The following MSRB3 variants were observed in gnomAD, a reference collection of about 807,000 sequenced individuals.
The protein encoded by MSRB3 is methionine-R-sulfoxide reductase B3.
A neutral mutation model predicts 21.0 loss-of-function variants in MSRB3; 13 were observed. The observed-to-expected ratio is 0.62, with a 90% CI of 0.40 to 0.98. The LOEUF (loss-of-function observed/expected upper bound fraction) is 0.98. Among genes scored for constraint, MSRB3 ranks in the 50% least tolerant of loss-of-function variants. The probability of loss-of-function intolerance (pLI) is 0.00; values close to 1 mark genes in which losing one functional copy is unlikely to be tolerated. For missense variants in MSRB3, 199 were observed against 230.3 expected, an observed-to-expected ratio of 0.86 and a Z score of 0.88; for synonymous variants, 87 against 88.6, an observed-to-expected ratio of 0.98 and a Z score of 0.10.
chr12:65,425,952 G>T (rs534466450), intron 5 of MSRB3, among the ~76,000 whole-genome samples: 2 of 152,216 alleles, frequency 1.3e-5, no homozygotes, highest in South Asian at 2.1e-4. Flanking sequence ...CACCTCCCAG[G>T]TTCAAGCAAT....
intron 2 of MSRB3, among the ~76,000 whole-genome samples, chr12:65,312,544 C>G (rs776629569): frequency 9.9e-5 from 15 of 152,062 alleles, no homozygotes; most frequent in African/African-American, 9.6e-5. Context: ...ATAAATTATA[C>G]TTTTTTTCTA....
At chr12:65,385,974 C>G (rs1879177943) in intron 5 of MSRB3, among the ~76,000 whole-genome samples, 1 of 151,700 alleles carries the variant, frequency 6.6e-6, no homozygotes, top group South Asian at 2.1e-4. Flanking sequence ...ATATCTATAA[C>G]TTCCTTCATT....
intron 5 of MSRB3, among the ~76,000 whole-genome samples, chr12:65,408,552 T>C (rs1411443288): frequency 6.6e-6 from 1 of 152,212 alleles, no homozygotes; most frequent in African/African-American, 2.4e-5. Flanking sequence ...TGTGTAGTTC[T>C]TTCGGTTGTA....
chr12:65,334,591 T>A (rs1305777675), intron 4 of MSRB3, among the ~76,000 whole-genome samples: 1 of 152,166 alleles, frequency 6.6e-6, no homozygotes, highest in African/African-American at 2.4e-5. Context: ...AGTACTTAAG[T>A]ACTTAAGTTG....
At chr12:65,421,098 T>A (rs944977880) in intron 5 of MSRB3, among the ~76,000 whole-genome samples, 4 of 152,208 alleles carry the variant, frequency 2.6e-5, no homozygotes, top group Non-Finnish European at 5.9e-5. Flanking sequence ...GTATAAGCAT[T>A]CCTTTTTTTC....
Position 65,278,815 on chromosome 12 carries a change from CCCTCTGCCTCTG to C in MSRB3, c.-92_-81del, listed in dbSNP as rs766079069. 18 of 1,570,936 alleles carry C rather than the reference CCCTCTGCCTCTG, an allele frequency of 1.1e-5. No individual in the cohort carries two copies. Among genetic ancestry groups the C allele is most frequent in the South Asian group, 4.7e-5 (4 of 85,488 alleles). ...CCGCGCCCCCTCTCGCTCTGCCTCT[CCCTCTGCCTCTG>C]CCTCTGCCTGGCCGCGGCTCTGGGA... is the stretch of plus-strand genomic sequence containing the variant. On this transcript the variant is annotated 5_prime_UTR_variant, in exon 1 of 7. Transcript: ENST00000308259.
intron 5 of MSRB3, among the ~76,000 whole-genome samples, chr12:65,422,684 C>T (rs907775955): frequency 2.3e-4 from 35 of 151,016 alleles, no homozygotes; most frequent in African/African-American, 6.8e-4. Context: ...TCTTTTAATC[C>T]GTGAACATAG....
intron 4 of MSRB3, among the ~76,000 whole-genome samples, chr12:65,353,949 T>G (rs142166430): frequency 0.11 from 16,117 of 152,012 alleles, 1,165 homozygotes; most frequent in Non-Finnish European, 0.15. Context: ...AGCATTTGCT[T>G]GTCTGTAAAG....
chr12:65,365,505 C>T (rs1336340745), intron 4 of MSRB3, among the ~76,000 whole-genome samples: 1 of 152,054 alleles, frequency 6.6e-6, no homozygotes, highest in Admixed American at 6.6e-5. Context: ...CATGGAGGAC[C>T]CTTTATACGC....
rs151131722 is a variant in MSRB3 at position 65,314,641 on chromosome 12, G to A, written c.76+5986G>A. Among the ~76,000 whole-genome samples, 446 of 152,186 alleles carry A rather than the reference G, an allele frequency of 2.9e-3. 2 individuals carry two copies. The highest frequency in any genetic ancestry group is 0.01 in the African/African-American group (425 of 41,552). On this transcript the variant is annotated intron_variant, in intron 2 of 6. Coordinates refer to ENST00000308259, the MANE Select transcript of MSRB3 (RefSeq NM_001031679.3). ...GAATAAGATGTTGGGCATATGGTTT[G>A]TTAAGTGTGGATTCTCTTGATTTTC... is the stretch of plus-strand genomic sequence containing the variant.
intron 5 of MSRB3, among the ~76,000 whole-genome samples, chr12:65,433,998 C>T (rs1042870780): frequency 6.6e-6 from 1 of 151,902 alleles, no homozygotes; most frequent in Non-Finnish European, 1.5e-5. Context: ...AGAGTCTTTG[C>T]ACTTTGAGGT....
rs531206099 is a variant in MSRB3 at position 65,289,493 on chromosome 12, A to AAAAT, written c.-52+10644_-52+10647dup. On this transcript the variant is annotated intron_variant, in intron 1 of 6. Transcript: ENST00000308259. ...GGGTGACAGAGTGAGATTCTATCTA[A>AAAAT]AAATAAATAAATAAATAAAAGTTAT... 6.4e-3 allele frequency among the ~76,000 whole-genome samples: 982 copies of AAAAT among 152,292 alleles called. 7 individuals are homozygous for AAAAT. Among genetic ancestry groups the AAAAT allele is most frequent in the African/African-American group, 0.022 (927 of 41,544 alleles).
intron 5 of MSRB3, among the ~76,000 whole-genome samples, chr12:65,383,585 G>A (rs1879052896): frequency 6.6e-6 from 1 of 151,790 alleles, no homozygotes; most frequent in African/African-American, 2.4e-5. Context: ...TTGGTGGTAT[G>A]GGTAACAATA....
chr12:65,435,541 G>C (rs1882075436), intron 5 of MSRB3, among the ~76,000 whole-genome samples: 1 of 151,862 alleles, frequency 6.6e-6, no homozygotes, highest in African/African-American at 2.4e-5. Context: ...TATTGATTTT[G>C]AACAAAGAGT....
intron 2 of MSRB3, among the ~76,000 whole-genome samples, chr12:65,317,980 G>C (rs948563708): frequency 3.9e-5 from 6 of 152,114 alleles, no homozygotes; most frequent in Non-Finnish European, 5.9e-5. Context: ...AGGATGCAAA[G>C]ATGACTAAAA....
chr12:65,352,760 A>T (rs1272240017), intron 4 of MSRB3, among the ~76,000 whole-genome samples: 3 of 151,022 alleles, frequency 2.0e-5, no homozygotes, highest in African/African-American at 7.3e-5. Context: ...CTTACAAGGG[A>T]TGTGAAGGAC....
chr12:65,279,259 G>A (rs1871855482), intron 1 of MSRB3: 1 of 197,000 alleles, frequency 5.1e-6, no homozygotes, highest in Non-Finnish European at 9.8e-6. Context: ...CCTCTGCTCT[G>A]TGCGTCGACC....
In MSRB3 at chr12:65,356,686, A is replaced by T. The variant is rs148080087; in HGVS notation, c.264-12312A>T. ...GAGATTTTCTTAGCTTTAAAAGAAC[A>T]TTCAGGTTAGTGGTTCTCAGGATTA... On this transcript the variant is annotated intron_variant, in intron 4 of 6. Transcript: ENST00000308259. Among the ~76,000 whole-genome samples, 1,259 of 152,088 alleles carry T rather than the reference A, an allele frequency of 8.3e-3. 19 individuals are homozygous for T. The highest frequency in any genetic ancestry group is 0.029 in the African/African-American group (1,212 of 41,532).
intron 5 of MSRB3, among the ~76,000 whole-genome samples, chr12:65,375,929 AG>A (rs1592578666): frequency 1.2e-5 from 1 of 85,704 alleles, no homozygotes; most frequent in East Asian, 3.0e-4. Context: ...TACTTATTAA[AG>A]TTTTTTTTTT....
Sources: allele counts gnomAD v4.1 joint callset (sites outside exome capture counted in the v4.1 genomes callset), GRCh38; gene constraint gnomAD v4.1.1; transcripts MANE v1.5; gene names NCBI Gene and HGNC (gene_info 2026-07-23, HGNC 2026-07-21).